Variants in RASA3 observed in about 807,000 individuals in gnomAD.
RASA3 encodes the protein ras GTPase-activating protein 3.
RASA3 carries 73 observed loss-of-function variants against 110.0 expected under a neutral mutation model. That is an observed-to-expected ratio of 0.66 (90% CI 0.55 to 0.81). The LOEUF is 0.81. Among genes scored for constraint, RASA3 ranks in the 30% least tolerant of loss-of-function variants. The pLI, the probability that RASA3 is intolerant of heterozygous loss-of-function variation, is 0.00. For missense variants in RASA3, 976 were observed against 1,113.2 expected (o/e 0.88, Z 1.75); for synonymous variants, 500 against 451.4 (o/e 1.11, Z -1.37).
chr13:114,011,302 C>G lies in RASA3; in HGVS notation c.1513-54G>C. ...TGTCAGCATCACAGAAATGCTGTGA[C>G]TGTCCCAGATCGAGGGGACGAAATG... On this transcript the variant is annotated intron_variant, in intron 15 of 23. Coordinates refer to ENST00000334062, the MANE Select transcript of RASA3 (RefSeq NM_007368.4). The surrounding 1 kb of genome is among the most constrained non-coding windows in gnomAD (Gnocchi z 4.8). The G allele has an allele frequency of 6.8e-7, 1 of 1,467,338 alleles. No homozygotes were observed. The highest frequency in any genetic ancestry group is 9.5e-7 in the Non-Finnish European group (1 of 1,053,944). 90.9% of individuals were successfully genotyped at this position (1,467,338 alleles called of 1,614,324 possible).
At chr13:114,070,345 C>T (rs1237381394) in intron 2 of RASA3, among the ~76,000 whole-genome samples, 1 of 152,052 alleles carries the variant, frequency 6.6e-6, no homozygotes, top group Non-Finnish European at 1.5e-5. Context: ...CCCTGCCTGA[C>T]ACCTGCCTCT....
chr13:114,039,234 C>T (rs2054343140), intron 4 of RASA3, among the ~76,000 whole-genome samples: 1 of 150,742 alleles, frequency 6.6e-6, no homozygotes, highest in African/African-American at 2.4e-5. Flanking sequence ...AGACACTCAC[C>T]CTCCTACGTC....
In RASA3 at chr13:114,112,103, C is replaced by CCCCG. The variant is rs1555343911; in HGVS notation, c.55+20331_55+20332insCGGG. ...TGGAAACAGCAGCCCCCAGGCACCCCCCCCAGCAACTGGGACAAGGGCACA... is the reference window on the plus strand; with the variant it reads ...TGGAAACAGCAGCCCCCAGGCACCCCCCCGCCCCAGCAACTGGGACAAGGGCACA... On this transcript the variant is annotated intron_variant, in intron 1 of 23. Transcript: ENST00000334062. This position sits in a 1 kb window ranked among gnomAD's most constrained non-coding sequence, Gnocchi z 4.8. Among the ~76,000 whole-genome samples, 1 of 151,816 alleles carries CCCCG rather than the reference C, an allele frequency of 6.6e-6. No homozygotes were observed. Among genetic ancestry groups the CCCCG allele is most frequent in the Non-Finnish European group, 1.5e-5 (1 of 67,956 alleles).
intron 8 of RASA3, among the ~76,000 whole-genome samples, chr13:114,023,676 C>A (rs887843147): frequency 6.6e-6 from 1 of 152,226 alleles, no homozygotes; most frequent in African/African-American, 2.4e-5. Context: ...TCCTGACCTG[C>A]GTGAACCCAC....
At chr13:114,030,676 G>A (rs1393135738) in intron 4 of RASA3, among the ~76,000 whole-genome samples, 3 of 152,232 alleles carry the variant, frequency 2.0e-5, no homozygotes, top group Non-Finnish European at 4.4e-5. Context: ...CTGTCTGTGT[G>A]CACGGCTGTG....
rs557129319 is a variant in RASA3 at position 114,103,356 on chromosome 13, T to C, written c.55+29079A>G. ...CCTGGCATTCTCTCTGGGGTAGCTC[T>C]CACCCTTGCAAAGCACAGAGAACAC... On this transcript the variant is annotated intron_variant, in intron 1 of 23. Transcript: ENST00000334062. Among the ~76,000 whole-genome samples, 23 of 152,062 alleles carry C rather than the reference T, an allele frequency of 1.5e-4. No individual in the cohort carries two copies. The East Asian group carries it at 4.5e-3, about 29-fold the overall frequency.
rs1282005572 is a variant in RASA3, at chr13:113,977,793, T to TA, written c.*1553dup. On this transcript the variant is annotated 3_prime_UTR_variant, in exon 24 of 24. Transcript: ENST00000334062. Reference sequence around the variant, plus strand: ...AAACCAAGGCAGTCCTCAGAAAGAATAAAACATCTGTTTTAATTGGCCAGT... The same window carrying TA: ...AAACCAAGGCAGTCCTCAGAAAGAATAAAAACATCTGTTTTAATTGGCCAGT... 2.0e-4 allele frequency: 31 copies of TA among 152,446 alleles called. No individual in the cohort carries two copies. The highest frequency in any genetic ancestry group is 7.2e-4 in the African/African-American group (30 of 41,412). 9.4% of individuals were successfully genotyped at this position (152,446 alleles called of 1,614,324 possible).
intron 4 of RASA3, among the ~76,000 whole-genome samples, chr13:114,036,663 G>C (rs1424162499): frequency 6.6e-6 from 1 of 152,162 alleles, no homozygotes; most frequent in Admixed American, 6.5e-5. Context: ...TCAACCTCCG[G>C]AGTAGCTGGG....
chr13:114,063,402 TATA>T (rs2079394595), intron 2 of RASA3, among the ~76,000 whole-genome samples: 2 of 146,228 alleles, frequency 1.4e-5, no homozygotes, highest in African/African-American at 4.9e-5. Flanking sequence ...ATATTCATAC[TATA>T]ATGACTCATT....
intron 1 of RASA3, among the ~76,000 whole-genome samples, chr13:114,131,759 C>G (rs978114823): frequency 6.6e-6 from 1 of 152,050 alleles, no homozygotes; most frequent in African/African-American, 2.4e-5. Flanking sequence ...CGCGCCCACA[C>G]ACAAATACAC....
chr13:114,063,363 A>T (rs1424649146), intron 2 of RASA3, among the ~76,000 whole-genome samples: 1 of 150,108 alleles, frequency 6.7e-6, no homozygotes, highest in East Asian at 1.9e-4. Flanking sequence ...TTATAACATA[A>T]ATACAATATT....
At chr13:114,002,803 G>A (rs1372553481) in intron 18 of RASA3, among the ~76,000 whole-genome samples, 3 of 152,166 alleles carry the variant, frequency 2.0e-5, no homozygotes, top group Non-Finnish European at 4.4e-5. Flanking sequence ...CGGGCCCATC[G>A]CGCGTGTGGG....
chr13:114,081,366 A>G (rs775876563), intron 1 of RASA3, among the ~76,000 whole-genome samples: 48 of 152,308 alleles, frequency 3.2e-4, no homozygotes, highest in Non-Finnish European at 5.9e-4. Context: ...CTCCCGATGC[A>G]GTATAACTCT....
Position 114,014,239 on chromosome 13 carries a change from T to C in RASA3, c.1405+970A>G, listed in dbSNP as rs1041253376. On this transcript the variant is annotated intron_variant, in intron 14 of 23. Coordinates refer to ENST00000334062, the MANE Select transcript of RASA3 (RefSeq NM_007368.4). This position sits in a 1 kb window ranked among gnomAD's most constrained non-coding sequence, Gnocchi z 4.5. ...GCCCCTTTGGTGTCTCATTCCACAG[T>C]GGTCTGTGCTCATCTGGGTGAGAGG... Among the ~76,000 whole-genome samples, 2 of 152,168 alleles carry C rather than the reference T, an allele frequency of 1.3e-5. No individual in the cohort carries two copies. The highest frequency in any genetic ancestry group is 4.8e-5 in the African/African-American group (2 of 41,432).
chr13:114,016,094 A>T, intron 13 of RASA3, 103 bp downstream of exon 13: 2 of 1,047,656 alleles, frequency 1.9e-6, no homozygotes, highest in East Asian at 2.6e-5. Context: ...TCCTGCTCCC[A>T]CCCCAACCGG....
intron 1 of RASA3, among the ~76,000 whole-genome samples, 166 bp from the exon 2 acceptor site, chr13:114,074,003 A>G (rs950377428): frequency 2.6e-5 from 4 of 152,262 alleles, no homozygotes; most frequent in African/African-American, 7.2e-5. Context: ...CCCCATGTGT[A>G]CTGCCGAAAG....
chr13:113,992,364 A>C (rs1291624300), intron 22 of RASA3, 121 bp downstream of exon 22: 2 of 708,654 alleles, frequency 2.8e-6, no homozygotes, highest in Non-Finnish European at 4.8e-6. Context: ...AGACAACTAC[A>C]TGTAGCCCAC....
chr13:114,104,301 C>T (rs1406294584), intron 1 of RASA3, among the ~76,000 whole-genome samples: 1 of 136,714 alleles, frequency 7.3e-6, no homozygotes, highest in African/African-American at 2.8e-5. Context: ...TCCCCGGCCA[C>T]GGACACCCAC....
chr13:113,999,736 G>A (rs12864614), intron 19 of RASA3, 69 bp from the exon 20 acceptor site: 1 of 1,361,548 alleles, frequency 7.3e-7, no homozygotes, highest in Non-Finnish European at 1.0e-6. Flanking sequence ...GTGGGGCTGA[G>A]GGGTCTCTGC....
Sources: allele counts gnomAD v4.1 joint callset (sites outside exome capture counted in the v4.1 genomes callset), GRCh38; gene constraint gnomAD v4.1.1; non-coding constraint Gnocchi (gnomAD v3.1); transcripts MANE v1.5; gene names NCBI Gene and HGNC (gene_info 2026-07-23, HGNC 2026-07-21).